SUPT20HL1: variants seen among roughly 807,000 people sequenced by gnomAD.
SUPT20HL1 encodes the protein transcription factor SPT20 homolog-like 1.
For synonymous variants in SUPT20HL1, 133 were observed against 79.2 expected (o/e 1.68, Z -3.61); for missense variants, 277 against 200.3 (o/e 1.38, Z -2.31).
rs111542311 is a variant in SUPT20HL1, at chrX:24,360,828, G to A, written c.-1933G>A. Among the ~76,000 whole-genome samples the A allele has an allele frequency of 1.8e-5, 2 of 111,459 alleles. No homozygotes were observed. Among genetic ancestry groups the A allele is most frequent in the African/African-American group, 3.3e-5 (1 of 30,665 alleles). On this transcript the variant is annotated 5_prime_UTR_variant, in exon 1 of 1. Coordinates refer to ENST00000686983, the MANE Select transcript of SUPT20HL1 (RefSeq NM_001136234.3). ...AGTCCTAAATGCAGCAAATGCTGCC[G>A]GTGCCCTGTCCATCTCCCCTTGGCA...
At position 24,361,876 on chromosome X, in the gene SUPT20HL1, G is replaced by A. The variant is rs1939429310; in HGVS notation, c.-885G>A. Among the ~76,000 whole-genome samples the A allele has an allele frequency of 8.9e-6, 1 of 112,110 alleles. No individual in the cohort carries two copies. The highest frequency in any genetic ancestry group is 9.4e-5 in the Admixed American group (1 of 10,606). ...CCCAGGCGGGAGCTCACTCGACGAC[G>A]ACAGGAAGAATCCTGATGCTTGCCA... On this transcript the variant is annotated 5_prime_UTR_variant, in exon 1 of 1. Coordinates refer to ENST00000686983, the MANE Select transcript of SUPT20HL1 (RefSeq NM_001136234.3).
Position 24,363,664 on chromosome X carries a change from G to A in SUPT20HL1, c.904G>A (p.Val302Met), listed in dbSNP as rs766807683. 5.4e-5 allele frequency: 21 copies of A among 385,679 alleles called. No individual in the cohort carries two copies. Among genetic ancestry groups the A allele is most frequent in the Admixed American group, 2.5e-4 (10 of 39,361 alleles). The allele number at this position is 385,679 out of a possible 1,213,427, so 31.8% of individuals were successfully genotyped here. The change falls in exon 1 of 1, where the codon GTG becomes ATG. Residue 302 changes from valine (V) to methionine (M), a missense_variant. Transcript: ENST00000686983. ...TWKGRPCDLAVPSEVDVEKLA... is the reference protein window; with the variant it reads ...TWKGRPCDLAMPSEVDVEKLA... ...GAAAGGCAGACCCTGTGATTTGGCC[G>A]TGCCTTCAGAAGTGGATGTGGAGAA...
chrX:24,363,336 C>A lies in SUPT20HL1; in HGVS notation c.576C>A (p.Asp192Glu). 2.6e-6 allele frequency: 1 copy of A among 387,356 alleles called. No individual in the cohort carries two copies. Among genetic ancestry groups the A allele is most frequent in the Non-Finnish European group, 5.2e-6 (1 of 192,659 alleles). The allele number at this position is 387,356 out of a possible 1,213,427, so 31.9% of individuals were successfully genotyped here. Reference protein sequence around the residue: ...TRDGQKWSQEDKLQLESQLIL... With the variant: ...TRDGQKWSQEEKLQLESQLIL... ...ATGGCCAGAAATGGAGCCAGGAAGA[C>A]AAGCTTCAGCTTGAGAGCCAGCTGA... Residue 192 changes from aspartate (D) to glutamate (E), a missense_variant, in exon 1 of 1, where the codon GAC becomes GAA. Transcript: ENST00000686983.
rs1374073861 is a variant in SUPT20HL1 at position 24,361,842 on chromosome X, A to T, written c.-919A>T. On this transcript the variant is annotated 5_prime_UTR_variant, in exon 1 of 1. An upstream start codon of the reference 5' UTR is lost. Transcript: ENST00000686983. ...GAACGTCAGGTACTGATGCATCTAC[A>T]TGAACACCCCCAGGCGGGAGCTCAC... is the stretch of plus-strand genomic sequence containing the variant. Among the ~76,000 whole-genome samples, 3 of 112,237 alleles carry T rather than the reference A, an allele frequency of 2.7e-5. No homozygotes were observed. The highest frequency in any genetic ancestry group is 3.8e-5 in the Non-Finnish European group (2 of 53,313).
Position 24,365,788 on chromosome X carries a change from GATTTTA to G in SUPT20HL1, c.*372_*377del, listed in dbSNP as rs1022910335. On this transcript the variant is annotated 3_prime_UTR_variant, in exon 1 of 1. Transcript: ENST00000686983. ...CAATATTAAGTTAATATTTTAACAA[GATTTTA>G]ATTTTAAGTTAATATTTTAACAAGA... Among the ~76,000 whole-genome samples, 1 of 112,322 alleles carries G rather than the reference GATTTTA, an allele frequency of 8.9e-6. No individual in the cohort carries two copies. Among genetic ancestry groups the G allele is most frequent in the African/African-American group, 3.2e-5 (1 of 30,918 alleles).
chrX:24,361,938 A>G lies in SUPT20HL1; in HGVS notation c.-823A>G, dbSNP rs1939429761. ...CGTCTCTGGGCATGGAAGCACTGCT[A>G]CCGCGGGCTCATTCCGCAGCCCAGT... On this transcript the variant is annotated 5_prime_UTR_variant, in exon 1 of 1. Coordinates refer to ENST00000686983, the MANE Select transcript of SUPT20HL1 (RefSeq NM_001136234.3). 8.9e-6 allele frequency among the ~76,000 whole-genome samples: 1 copy of G among 112,128 alleles called. No homozygotes were observed. Among genetic ancestry groups the G allele is most frequent in the Non-Finnish European group, 1.9e-5 (1 of 53,232 alleles).
rs767768725 is a variant in SUPT20HL1 at position 24,364,682 on chromosome X, C to G, written c.1922C>G (p.Ala641Gly). Residue 641 changes from alanine (A) to glycine (G), a missense_variant, in exon 1 of 1, where the codon GCA becomes GGA. Transcript: ENST00000686983. ...QAPGSGAPAPAGISGSDLQSS... is the reference protein window; with the variant it reads ...QAPGSGAPAPGGISGSDLQSS... ...CCTGGCTCGGGTGCCCCCGCTCCTG[C>G]AGGAATCAGTGGCAGTGACCTTCAG... 15 of 444,987 alleles carry G rather than the reference C, an allele frequency of 3.4e-5. No homozygotes were observed. The African/African-American group carries it at 3.6e-4, about 11-fold the overall frequency. 36.7% of individuals were successfully genotyped at this position (444,987 alleles called of 1,213,427 possible).
In SUPT20HL1 at chrX:24,363,807, C is replaced by T. The variant is rs1412475080; in HGVS notation, c.1047C>T (p.Asp349=). The change falls in exon 1 of 1, where the codon GAC becomes GAT. Residue 349 remains aspartate, a synonymous_variant. Transcript: ENST00000686983. The part of the protein sequence containing the change: ...FALEAGCQAW[D]TKPSIMQSFN... ...TGGAAGCTGGCTGTCAGGCCTGGGA[C>T]ACCAAGCCAAGCATCATGCAGTCGT... The T allele has an allele frequency of 5.1e-6, 2 of 389,158 alleles. No homozygotes were observed. The highest frequency in any genetic ancestry group is 1.0e-5 in the Non-Finnish European group (2 of 194,038). 32.1% of individuals were successfully genotyped at this position (389,158 alleles called of 1,213,427 possible).
chrX:24,362,564 C>G lies in SUPT20HL1; in HGVS notation c.-197C>G, dbSNP rs200133234. Among the ~76,000 whole-genome samples, 810 of 99,919 alleles carry G rather than the reference C, an allele frequency of 8.1e-3. 5 individuals are homozygous for G. The highest frequency in any genetic ancestry group is 0.024 in the African/African-American group (646 of 27,020). The allele number at this position is 99,919 out of a possible 115,157, so 86.8% of individuals were successfully genotyped here. A position where few individuals can be genotyped will look rare whatever the true frequency, so the allele number is the denominator to read the frequency against. Reference sequence around the variant, plus strand: ...CCACGACGACGACCCCTCAGGTACCCATGTTTTCAGAAACCCTCAAACAGA... The same window carrying G: ...CCACGACGACGACCCCTCAGGTACCGATGTTTTCAGAAACCCTCAAACAGA... On this transcript the variant is annotated 5_prime_UTR_variant, in exon 1 of 1. Transcript: ENST00000686983.
In SUPT20HL1 at chrX:24,366,569, G is replaced by A. The variant is rs1476993574; in HGVS notation, c.*1145G>A. ...CTTTATAAAATCATTTACATTTTTT[G>A]TAGGTTGTTTGCAAGAAACATTTAG... is the stretch of plus-strand genomic sequence containing the variant. On this transcript the variant is annotated 3_prime_UTR_variant, in exon 1 of 1. Transcript: ENST00000686983. 9.1e-6 allele frequency among the ~76,000 whole-genome samples: 1 copy of A among 109,398 alleles called. No individual in the cohort carries two copies. Among genetic ancestry groups the A allele is most frequent in the Non-Finnish European group, 1.9e-5 (1 of 52,722 alleles). 95.0% of individuals were successfully genotyped at this position (109,398 alleles called of 115,157 possible). A position where few individuals can be genotyped will look rare whatever the true frequency, so the allele number is the denominator to read the frequency against.
rs376801277 is a variant in SUPT20HL1, at chrX:24,365,262, G to A, written c.2502G>A (p.Pro834=). ...QTQQLRVLQQ[P]QHIQLQTQQL... ...AGCAGTTGAGAGTCTTGCAGCAGCC[G>A]CAGCATATCCAGCTCCAGACTCAGC... is the stretch of plus-strand genomic sequence containing the variant. Residue 834 remains proline, a synonymous_variant, in exon 1 of 1, where the codon CCG becomes CCA. Coordinates refer to ENST00000686983, the MANE Select transcript of SUPT20HL1 (RefSeq NM_001136234.3). The A allele has an allele frequency of 6.0e-5, 23 of 383,517 alleles. No individual in the cohort carries two copies. The highest frequency in any genetic ancestry group is 9.9e-5 in the Non-Finnish European group (19 of 191,312). 31.6% of individuals were successfully genotyped at this position (383,517 alleles called of 1,213,427 possible).
In SUPT20HL1 at chrX:24,363,792, C is replaced by A. The variant is rs1939446970; in HGVS notation, c.1032C>A (p.Gly344=). 2 of 386,674 alleles carry A rather than the reference C, an allele frequency of 5.2e-6. No homozygotes were observed. The highest frequency in any genetic ancestry group is 5.1e-5 in the Admixed American group (2 of 39,366). 31.9% of individuals were successfully genotyped at this position (386,674 alleles called of 1,213,427 possible). A position where few individuals can be genotyped will look rare whatever the true frequency, so the allele number is the denominator to read the frequency against. ...CTTTTGGATTTGCGTTGGAAGCTGG[C>A]TGTCAGGCCTGGGACACCAAGCCAA... ...EDPFGFALEA[G]CQAWDTKPSI... is the part of the protein sequence containing the mutation. Residue 344 remains glycine, a synonymous_variant, in exon 1 of 1, where the codon GGC becomes GGA. Coordinates refer to ENST00000686983, the MANE Select transcript of SUPT20HL1 (RefSeq NM_001136234.3).
rs1939433309 is a variant in SUPT20HL1 at position 24,362,343 on chromosome X, C to T, written c.-418C>T. Among the ~76,000 whole-genome samples, 1 of 112,452 alleles carries T rather than the reference C, an allele frequency of 8.9e-6. No individual in the cohort carries two copies. The highest frequency in any genetic ancestry group is 1.9e-5 in the Non-Finnish European group (1 of 53,255). On this transcript the variant is annotated 5_prime_UTR_variant, in exon 1 of 1. Transcript: ENST00000686983. ...TGACCCTGGCCCTCCCGTTCGCTTC[C>T]GGTGTAGCATGCAGAGACGTGAAGC...
rs916736227 is a variant in SUPT20HL1, at chrX:24,362,223, G to A, written c.-538G>A. 3.5e-5 allele frequency among the ~76,000 whole-genome samples: 4 copies of A among 112,851 alleles called. No individual in the cohort carries two copies. Among genetic ancestry groups the A allele is most frequent in the South Asian group, 3.6e-4 (1 of 2,767 alleles). On this transcript the variant is annotated 5_prime_UTR_variant, in exon 1 of 1. Coordinates refer to ENST00000686983, the MANE Select transcript of SUPT20HL1 (RefSeq NM_001136234.3). Reference sequence around the variant, plus strand: ...GTGCGGGCAGCAGACCCGGAAGTGCGGTGGGTGAGCCTTGCGCCCAGGAGG... The same window carrying A: ...GTGCGGGCAGCAGACCCGGAAGTGCAGTGGGTGAGCCTTGCGCCCAGGAGG...
rs780368368 is a variant in SUPT20HL1, at chrX:24,363,354, C to A, written c.594C>A (p.Ser198Arg). 1.3e-5 allele frequency: 5 copies of A among 387,408 alleles called. No individual in the cohort carries two copies. Among genetic ancestry groups the A allele is most frequent in the Admixed American group, 2.5e-5 (1 of 39,592 alleles). The allele number at this position is 387,408 out of a possible 1,213,427, so 31.9% of individuals were successfully genotyped here. ...WSQEDKLQLE[S>R]QLILATAEPL... Reference sequence around the variant, plus strand: ...AGGAAGACAAGCTTCAGCTTGAGAGCCAGCTGATCTTAGCGACAGCTGAAC... The same window carrying A: ...AGGAAGACAAGCTTCAGCTTGAGAGACAGCTGATCTTAGCGACAGCTGAAC... The change falls in exon 1 of 1, where the codon AGC becomes AGA. Residue 198 changes from serine to arginine, a missense_variant. Ser to Arg is a moderately radical substitution (Grantham distance 110). Transcript: ENST00000686983.
At position 24,366,548 on chromosome X, in the gene SUPT20HL1, A is replaced by G. The variant is rs963023434; in HGVS notation, c.*1124A>G. Among the ~76,000 whole-genome samples, 22 of 110,973 alleles carry G rather than the reference A, an allele frequency of 2.0e-4. No individual in the cohort carries two copies. Among genetic ancestry groups the G allele is most frequent in the African/African-American group, 7.2e-4 (22 of 30,401 alleles). On this transcript the variant is annotated 3_prime_UTR_variant, in exon 1 of 1. Coordinates refer to ENST00000686983, the MANE Select transcript of SUPT20HL1 (RefSeq NM_001136234.3). Reference sequence around the variant, plus strand: ...TTTGGATGTTTTGTGTGCTCTCTTTATAAAATCATTTACATTTTTTGTAGG... The same window carrying G: ...TTTGGATGTTTTGTGTGCTCTCTTTGTAAAATCATTTACATTTTTTGTAGG...
Position 24,365,011 on chromosome X carries a change from A to G in SUPT20HL1, c.2251A>G (p.Arg751Gly), listed in dbSNP as rs776595971. ...AQQLLKVNPT[R>G]ARSGLQPQPQ... Reference sequence around the variant, plus strand: ...GCAACTTCTTAAGGTGAACCCCACTAGAGCCAGAAGTGGTCTGCAGCCCCA... The same window carrying G: ...GCAACTTCTTAAGGTGAACCCCACTGGAGCCAGAAGTGGTCTGCAGCCCCA... Residue 751 changes from arginine to glycine, a missense_variant, in exon 1 of 1, where the codon AGA becomes GGA. Transcript: ENST00000686983. 2.6e-6 allele frequency: 1 copy of G among 378,462 alleles called. No homozygotes were observed. Among genetic ancestry groups the G allele is most frequent in the Non-Finnish European group, 5.3e-6 (1 of 188,596 alleles). 31.2% of individuals were successfully genotyped at this position (378,462 alleles called of 1,213,427 possible).
rs1316864057 is a variant in SUPT20HL1 at position 24,366,331 on chromosome X, GAAAAATGA to G, written c.*910_*917del. Reference sequence around the variant, plus strand: ...AATGGAATTATTACACATTCATTTTGAAAAATGAAATGAAAAAGTACAATACAGTGATC... The same window carrying G: ...AATGGAATTATTACACATTCATTTTGAATGAAAAAGTACAATACAGTGATC... On this transcript the variant is annotated 3_prime_UTR_variant, in exon 1 of 1. Coordinates refer to ENST00000686983, the MANE Select transcript of SUPT20HL1 (RefSeq NM_001136234.3). Among the ~76,000 whole-genome samples the G allele has an allele frequency of 1.8e-5, 2 of 111,766 alleles. No individual in the cohort carries two copies. Among genetic ancestry groups the G allele is most frequent in the African/African-American group, 6.5e-5 (2 of 30,733 alleles).
rs1325267954 is a variant in SUPT20HL1 at position 24,363,668 on chromosome X, C to T, written c.908C>T (p.Pro303Leu). The change falls in exon 1 of 1, where the codon CCT becomes CTT. Residue 303 changes from proline to leucine, a missense_variant. Physicochemically the swap from Pro to Leu is moderately conservative, Grantham distance 98. Coordinates refer to ENST00000686983, the MANE Select transcript of SUPT20HL1 (RefSeq NM_001136234.3). ...GGCAGACCCTGTGATTTGGCCGTGC[C>T]TTCAGAAGTGGATGTGGAGAAACTT... ...WKGRPCDLAV[P>L]SEVDVEKLAK... 2.6e-6 allele frequency: 1 copy of T among 387,231 alleles called. No homozygotes were observed. The highest frequency in any genetic ancestry group is 5.2e-6 in the Non-Finnish European group (1 of 192,613). The allele number at this position is 387,231 out of a possible 1,213,427, so 31.9% of individuals were successfully genotyped here.
Sources: gnomAD v4.1 joint callset for allele counts (sites outside exome capture counted in the v4.1 genomes callset) on GRCh38, gnomAD v4.1.1 for gene constraint, MANE v1.5 for transcripts, NCBI Gene and HGNC (gene_info 2026-07-23, HGNC 2026-07-21) for gene names.